CYP2J2: variants seen among roughly 807,000 people sequenced by gnomAD.
The protein encoded by CYP2J2 is cytochrome P450 2J2.
CYP2J2 carries 41 observed loss-of-function variants against 48.8 expected under a neutral mutation model. That is an observed-to-expected ratio of 0.84 (90% confidence interval 0.66 to 1.09). The LOEUF (loss-of-function observed/expected upper bound fraction) is 1.09. Among genes scored for constraint, CYP2J2 ranks in the 50% least tolerant of loss-of-function variants. The pLI is 0.00. For missense variants in CYP2J2, 644 were observed against 617.3 expected (o/e 1.04, Z -0.46); for synonymous variants, 221 against 227.1 (o/e 0.97, Z 0.24).
intron 2 of CYP2J2, among the ~76,000 whole-genome samples, chr1:59,914,173 C>T (rs1454187533): frequency 6.6e-6 from 1 of 152,184 alleles, no homozygotes; most frequent in East Asian, 1.9e-4. Context: ...TTATAGTTAA[C>T]TGATACTATT....
chr1:59,914,377 C>CCCAAG (rs1260638796), intron 2 of CYP2J2, among the ~76,000 whole-genome samples: 2 of 152,160 alleles, frequency 1.3e-5, no homozygotes, highest in Non-Finnish European at 2.9e-5. Context: ...CAGACTGTTA[C>CCCAAG]TGTGTCTATG....
intron 7 of CYP2J2, among the ~76,000 whole-genome samples, chr1:59,901,549 T>C (rs1644320005): frequency 6.6e-6 from 1 of 152,144 alleles, no homozygotes. Context: ...CCATTCTCTT[T>C]CCTCCAATGT....
At chr1:59,943,943 A>C in the CYP2J2 span, among the ~76,000 whole-genome samples, 1 of 152,232 alleles carries the variant, frequency 6.6e-6, no homozygotes, top group Non-Finnish European at 1.5e-5. Flanking sequence ...AAGTGGAGAC[A>C]GCAACTAAAG....
chr1:59,968,111 A>G, the CYP2J2 span, among the ~76,000 whole-genome samples: 1 of 152,200 alleles, frequency 6.6e-6, no homozygotes, highest in African/African-American at 2.4e-5. Flanking sequence ...TAAAGGAGAC[A>G]GAGATAAATC....
At chr1:59,898,808 AT>A (rs1429760974) in intron 8 of CYP2J2, among the ~76,000 whole-genome samples, 1 of 152,212 alleles carries the variant, frequency 6.6e-6, no homozygotes, top group Non-Finnish European at 1.5e-5. Flanking sequence ...CTAACTATTA[AT>A]AACTGGGCTG....
the CYP2J2 span, among the ~76,000 whole-genome samples, chr1:59,947,467 T>A: frequency 1.3e-5 from 2 of 152,164 alleles, no homozygotes; most frequent in Non-Finnish European, 2.9e-5. Flanking sequence ...TCTGACGTTC[T>A]CAGCTGAGCC....
chr1:59,919,714 T>C (rs1271318655), intron 1 of CYP2J2, among the ~76,000 whole-genome samples: 2 of 152,218 alleles, frequency 1.3e-5, no homozygotes, highest in African/African-American at 4.8e-5. Context: ...TACACAGCTA[T>C]ACACATAAAG....
the CYP2J2 span, among the ~76,000 whole-genome samples, chr1:59,932,675 G>C: frequency 6.6e-6 from 1 of 151,466 alleles, no homozygotes; most frequent in East Asian, 1.9e-4. Context: ...ATAAATGAAA[G>C]TAAGATAAAT....
chr1:59,930,064 G>T (rs1397290188), upstream of CYP2J2, among the ~76,000 whole-genome samples: 1 of 152,100 alleles, frequency 6.6e-6, no homozygotes, highest in Admixed American at 6.5e-5. Context: ...AAGATTAACG[G>T]CCGACTTGTA....
chr1:59,959,306 C>T, the CYP2J2 span, among the ~76,000 whole-genome samples: 1 of 152,132 alleles, frequency 6.6e-6, no homozygotes, highest in Non-Finnish European at 1.5e-5. Context: ...TATAGTCCCA[C>T]CTTCTCCACC....
intron 2 of CYP2J2, among the ~76,000 whole-genome samples, chr1:59,915,139 C>T (rs538615487): frequency 6.6e-6 from 1 of 152,352 alleles, no homozygotes; most frequent in East Asian, 1.9e-4. Flanking sequence ...CACTATCACT[C>T]TGCTCTCCTG....
chr1:59,955,331 TA>T, the CYP2J2 span, among the ~76,000 whole-genome samples: 2 of 139,462 alleles, frequency 1.4e-5, no homozygotes, highest in African/African-American at 5.1e-5. Flanking sequence ...TATATATGGA[TA>T]AGGACGGGTT....
intron 2 of CYP2J2, among the ~76,000 whole-genome samples, chr1:59,914,048 T>C (rs893200402): frequency 2.0e-5 from 3 of 152,222 alleles, no homozygotes; most frequent in Non-Finnish European, 2.9e-5. Context: ...TTCTATTCTG[T>C]CTGCCAGATT....
chr1:59,964,716 T>C, the CYP2J2 span, among the ~76,000 whole-genome samples: 1 of 152,274 alleles, frequency 6.6e-6, no homozygotes, highest in African/African-American at 2.4e-5. Flanking sequence ...CTGATTAATT[T>C]AGTAAAATTT....
chr1:59,948,875 G>C, the CYP2J2 span, among the ~76,000 whole-genome samples: 2 of 152,052 alleles, frequency 1.3e-5, no homozygotes, highest in South Asian at 4.2e-4. Flanking sequence ...ACTTAAAGAA[G>C]AAAATCCAAG....
the CYP2J2 span, among the ~76,000 whole-genome samples, chr1:59,968,573 A>G: frequency 6.6e-6 from 1 of 152,216 alleles, no homozygotes; most frequent in East Asian, 1.9e-4. Context: ...AGTTCCTTGC[A>G]GAGTATGGGG....
At position 59,905,071 on chromosome 1, in the gene CYP2J2, G is replaced by A; in HGVS notation, c.1004-13C>T. Reference sequence around the variant, plus strand: ...GCTTGTACTTTTTCTGGTAAAGAGGGAAGGGTTCTATTATTTTTTAAACTT... The same window carrying A: ...GCTTGTACTTTTTCTGGTAAAGAGGAAAGGGTTCTATTATTTTTTAAACTT... On this transcript the variant is annotated splice_polypyrimidine_tract_variant and intron_variant, in intron 6 of 8. Coordinates refer to ENST00000371204, the MANE Select transcript of CYP2J2 (RefSeq NM_000775.4). 1 of 1,606,476 alleles carries A rather than the reference G, an allele frequency of 6.2e-7. No individual in the cohort carries two copies. Among genetic ancestry groups the A allele is most frequent in the Non-Finnish European group, 8.5e-7 (1 of 1,178,350 alleles).
chr1:59,951,059 C>T, the CYP2J2 span, among the ~76,000 whole-genome samples: 21 of 152,246 alleles, frequency 1.4e-4, no homozygotes, highest in African/African-American at 5.1e-4. Context: ...AGAATGGCAA[C>T]GTACCTTTGT....
chr1:59,942,075 T>A, the CYP2J2 span, among the ~76,000 whole-genome samples: 2 of 152,212 alleles, frequency 1.3e-5, no homozygotes, highest in African/African-American at 4.8e-5. Context: ...TACCTTTTTT[T>A]ATTTTTTGTA....
Sources: gnomAD v4.1 joint callset for allele counts (sites outside exome capture counted in the v4.1 genomes callset) on GRCh38, gnomAD v4.1.1 for gene constraint, MANE v1.5 for transcripts, NCBI Gene and HGNC (gene_info 2026-07-23, HGNC 2026-07-21) for gene names.